Variants in CFAP99 observed in about 807,000 individuals in gnomAD.
The protein encoded by CFAP99 is cilia- and flagella-associated protein 99.
In CFAP99, 84 loss-of-function variants were observed where a neutral mutation model predicts 82.7. The ratio of observed to expected loss-of-function variants is 1.02; its 90% CI spans 0.85 to 1.22. The LOEUF (loss-of-function observed/expected upper bound fraction) is 1.22, where lower values mean the gene tolerates loss of function less well. Among genes scored for constraint, CFAP99 ranks in the 50% most tolerant of loss-of-function variants. CFAP99 has a pLI of 0.00. For synonymous variants in CFAP99, 456 were observed against 429.5 expected (o/e 1.06, Z -0.76); for missense variants, 1,059 against 983.5 (o/e 1.08, Z -1.03).
chr4:2,454,988 T>G (rs1451355346), intron 11 of CFAP99, among the ~76,000 whole-genome samples: 1 of 152,034 alleles, frequency 6.6e-6, no homozygotes, highest in Non-Finnish European at 1.5e-5. Context: ...GGCATGATCT[T>G]GGCTCACTGC....
chr4:2,436,099 A>T (rs1733902507), intron 2 of CFAP99, among the ~76,000 whole-genome samples: 1 of 144,886 alleles, frequency 6.9e-6, no homozygotes, highest in African/African-American at 2.6e-5. Context: ...AAAAAAATCT[A>T]TATATATGTA....
At chr4:2,419,500 G>T (rs1238248222) in intron 1 of CFAP99, among the ~76,000 whole-genome samples, 1 of 152,156 alleles carries the variant, frequency 6.6e-6, no homozygotes, top group Non-Finnish European at 1.5e-5. Flanking sequence ...GCGGATCTGG[G>T]TCGGCCTGAC....
chr4:2,452,081 C>G, intron 10 of CFAP99, 61 bp from the exon 11 acceptor site: 1 of 1,509,966 alleles, frequency 6.6e-7, no homozygotes, highest in South Asian at 1.2e-5. Context: ...AACCTGTGAC[C>G]ACCCAGCAGC....
intron 14 of CFAP99, among the ~76,000 whole-genome samples, chr4:2,460,447 C>T (rs563054229): frequency 4.9e-4 from 75 of 152,320 alleles, no homozygotes; most frequent in Admixed American, 1.2e-3. Context: ...GCATCCATGG[C>T]TCAGAAGCCA....
chr4:2,423,064 G>C lies in CFAP99; in HGVS notation c.-17-3395G>C, dbSNP rs534057092. ...CTGACCCTGGCGAAGATGGGGAGTG[G>C]GATTTGTGAGCTGTGAGCTCACTGC... On this transcript the variant is annotated intron_variant, in intron 1 of 14. Transcript: ENST00000635017. Among the ~76,000 whole-genome samples the C allele has an allele frequency of 4.6e-5, 7 of 152,322 alleles. No individual in the cohort carries two copies. In the South Asian group the frequency reaches 1.4e-3, roughly 32 times the overall value.
rs1734649168 is a variant in CFAP99, at chr4:2,462,560, C to G, written c.1779C>G (p.Ala593=). 1 of 1,455,358 alleles carries G rather than the reference C, an allele frequency of 6.9e-7. No homozygotes were observed. 90.2% of individuals were successfully genotyped at this position (1,455,358 alleles called of 1,614,324 possible). A position where few individuals can be genotyped will look rare whatever the true frequency, so the allele number is the denominator to read the frequency against. Residue 593 remains alanine (A), a synonymous_variant, in exon 15 of 15, where the codon GCC becomes GCG. Transcript: ENST00000635017. This position sits in a 1 kb window ranked among gnomAD's most constrained non-coding sequence, Gnocchi z 4.1. ...CGGCCGAGCGCAGCAGGCAGGCGGC[C>G]TTGCTGCACGTGTCGGCGCCGCGGA...
At chr4:2,460,622 C>T (rs760859085) in intron 14 of CFAP99, among the ~76,000 whole-genome samples, 5 of 152,186 alleles carry the variant, frequency 3.3e-5, no homozygotes, top group Admixed American at 6.5e-5. Context: ...AAAAATAGAT[C>T]GTCCTACATA....
In CFAP99 at chr4:2,449,654, C is replaced by G; in HGVS notation, c.643-16C>G. 1 of 1,535,936 alleles carries G rather than the reference C, an allele frequency of 6.5e-7. No individual in the cohort carries two copies. Among genetic ancestry groups the G allele is most frequent in the Non-Finnish European group, 8.7e-7 (1 of 1,146,714 alleles). On this transcript the variant is annotated splice_polypyrimidine_tract_variant and intron_variant, in intron 6 of 14. Transcript: ENST00000635017. ...CAGCTGCTGACCATAGGCTCTTCCT[C>G]CCACCACTTCAGCAGGTCCCCCAGA...
At chr4:2,424,329 T>C (rs1733642113) in intron 1 of CFAP99, among the ~76,000 whole-genome samples, 1 of 152,176 alleles carries the variant, frequency 6.6e-6, no homozygotes, top group African/African-American at 2.4e-5. Flanking sequence ...GGTGGGTGCC[T>C]GTAATCCCAG....
chr4:2,452,756 C>CT (rs1734335371), intron 11 of CFAP99, among the ~76,000 whole-genome samples: 1 of 152,136 alleles, frequency 6.6e-6, no homozygotes, highest in Admixed American at 6.6e-5. Flanking sequence ...TTCCTTTTTA[C>CT]TTTTTTAAAA....
intron 6 of CFAP99, 21 bp from the exon 7 acceptor site, chr4:2,449,649 T>C (rs1308827120): frequency 7.2e-6 from 11 of 1,535,486 alleles, no homozygotes; most frequent in Non-Finnish European, 9.6e-6. Context: ...CCATAGGCTC[T>C]TCCTCCCACC....
chr4:2,424,756 C>T (rs564106038), intron 1 of CFAP99, among the ~76,000 whole-genome samples: 1 of 152,352 alleles, frequency 6.6e-6, no homozygotes, highest in South Asian at 2.1e-4. Context: ...GCCCCTGCTT[C>T]CCAGGGCACC....
intron 4 of CFAP99, among the ~76,000 whole-genome samples, chr4:2,439,023 C>CTGGGGCCACT (rs1394258184): frequency 2.6e-5 from 4 of 152,318 alleles, no homozygotes; most frequent in Middle Eastern, 3.4e-3. Context: ...CCCTGACTGC[C>CTGGGGCCACT]TGGGGCCACT....
intron 5 of CFAP99, among the ~76,000 whole-genome samples, chr4:2,444,126 C>G (rs1293557902): frequency 6.6e-6 from 1 of 152,134 alleles, no homozygotes; most frequent in Non-Finnish European, 1.5e-5. Flanking sequence ...CCCAGTCCCA[C>G]CCAGTCCACT....
intron 13 of CFAP99, among the ~76,000 whole-genome samples, chr4:2,459,800 T>C (rs933510025): frequency 1.3e-5 from 2 of 152,148 alleles, no homozygotes; most frequent in African/African-American, 2.4e-5. Context: ...TGAGCTCCAT[T>C]TGGGACTTGC....
chr4:2,420,734 A>G (rs1158415070), intron 1 of CFAP99, among the ~76,000 whole-genome samples: 1 of 152,062 alleles, frequency 6.6e-6, no homozygotes, highest in Non-Finnish European at 1.5e-5. Context: ...TGGAGAGGCA[A>G]TCGTGGTTGG....
chr4:2,451,451 G>A (rs1004589698), intron 10 of CFAP99, 99 bp downstream of exon 10: 1 of 1,098,058 alleles, frequency 9.1e-7, no homozygotes, highest in Non-Finnish European at 1.3e-6. Flanking sequence ...TCAGTGGAGA[G>A]GGACTCGGGG....
intron 14 of CFAP99, 72 bp downstream of exon 14, chr4:2,460,314 C>G: frequency 1.5e-6 from 2 of 1,362,546 alleles, no homozygotes; most frequent in South Asian, 2.5e-5. Flanking sequence ...TTGCACCCTC[C>G]TGGGTGGGTC....
rs1177312290 is a variant in CFAP99 at position 2,446,542 on chromosome 4, G to A, written c.642+1234G>A. ...CGAGTAGCTGGGATTACAGGTACCG[G>A]CCACCACACCCGGCTAATTTTTATA... On this transcript the variant is annotated intron_variant, in intron 6 of 14. Transcript: ENST00000635017. The surrounding 1 kb of genome is among the most constrained non-coding windows in gnomAD (Gnocchi z 5.0). Among the ~76,000 whole-genome samples, 1 of 152,050 alleles carries A rather than the reference G, an allele frequency of 6.6e-6. No individual in the cohort carries two copies. The highest frequency in any genetic ancestry group is 1.5e-5 in the Non-Finnish European group (1 of 68,018).
Sources: allele counts gnomAD v4.1 joint callset (sites outside exome capture counted in the v4.1 genomes callset), GRCh38; gene constraint gnomAD v4.1.1; non-coding constraint Gnocchi (gnomAD v3.1); transcripts MANE v1.5; gene names NCBI Gene and HGNC (gene_info 2026-07-23, HGNC 2026-07-21).